Variants in GKAP1 observed in about 807,000 individuals in gnomAD.
The protein encoded by GKAP1 is G kinase anchoring protein 1.
A neutral mutation model predicts 56.7 loss-of-function variants in GKAP1; 31 were observed. The observed-to-expected ratio is 0.55, with a 90% CI of 0.41 to 0.74. The LOEUF is 0.74. Among genes scored for constraint, GKAP1 ranks in the 30% least tolerant of loss-of-function variants. GKAP1 has a pLI of 0.00. For synonymous variants in GKAP1, 151 were observed against 138.6 expected, an observed-to-expected ratio of 1.09 and a Z score of -0.63; for missense variants, 364 against 402.3, an observed-to-expected ratio of 0.90 and a Z score of 0.82.
chr9:83,747,978 T>C (rs1271993646), intron 10 of GKAP1, among the ~76,000 whole-genome samples: 1 of 152,124 alleles, frequency 6.6e-6, no homozygotes, highest in African/African-American at 2.4e-5. Context: ...TCTACTTTGT[T>C]GAGTCTTTTT....
intron 3 of GKAP1, among the ~76,000 whole-genome samples, chr9:83,802,588 G>A (rs1216428249): frequency 1.3e-5 from 2 of 152,094 alleles, no homozygotes; most frequent in Non-Finnish European, 2.9e-5. Context: ...CAGCATTTTG[G>A]GAAGCTGAGG....
intron 9 of GKAP1, among the ~76,000 whole-genome samples, chr9:83,750,653 A>C (rs1943373576): frequency 6.6e-6 from 1 of 152,110 alleles, no homozygotes; most frequent in African/African-American, 2.4e-5. Flanking sequence ...TAAACCTCAA[A>C]TCTTACCTCC....
intron 8 of GKAP1, among the ~76,000 whole-genome samples, chr9:83,758,457 A>G (rs1943512978): frequency 6.6e-6 from 1 of 152,136 alleles, no homozygotes; most frequent in South Asian, 2.1e-4. Context: ...ACTAGGCTGG[A>G]TACGGTGGCT....
intron 4 of GKAP1, among the ~76,000 whole-genome samples, chr9:83,798,469 T>A (rs1944281701): frequency 6.6e-6 from 1 of 152,172 alleles, no homozygotes; most frequent in Non-Finnish European, 1.5e-5. Flanking sequence ...CAAACAACAG[T>A]AAAGTTTCCC....
intron 5 of GKAP1, 51 bp downstream of exon 5, chr9:83,788,550 C>A: frequency 2.9e-6 from 3 of 1,041,106 alleles, no homozygotes; most frequent in Non-Finnish European, 4.2e-6. Flanking sequence ...TGATTTTAAC[C>A]TCTCACCACT....
At chr9:83,748,680 AC>A (rs1309727057) in intron 9 of GKAP1, 5 of 172,178 alleles carry the variant, frequency 2.9e-5, no homozygotes, top group Admixed American at 1.9e-4. Flanking sequence ...AAACCCTTAT[AC>A]AATTCAAAAT....
intron 8 of GKAP1, among the ~76,000 whole-genome samples, chr9:83,761,864 G>C (rs1021380038): frequency 5.3e-5 from 8 of 152,136 alleles, no homozygotes; most frequent in Non-Finnish European, 1.0e-4. Flanking sequence ...ATCGCTTCAT[G>C]ATAAAAACCT....
chr9:83,760,530 T>C (rs115200000), intron 8 of GKAP1, among the ~76,000 whole-genome samples: 149 of 152,256 alleles, frequency 9.8e-4, no homozygotes, highest in African/African-American at 3.4e-3. Flanking sequence ...TAATAGATAT[T>C]GACAGAACTT....
chr9:83,793,815 A>T (rs1041595080), intron 4 of GKAP1, among the ~76,000 whole-genome samples: 4 of 152,202 alleles, frequency 2.6e-5, no homozygotes, highest in African/African-American at 9.6e-5. Context: ...AAGATAATGA[A>T]TATTTAAAAT....
intron 3 of GKAP1, among the ~76,000 whole-genome samples, chr9:83,805,895 T>C (rs890547757): frequency 6.6e-6 from 1 of 152,190 alleles, no homozygotes; most frequent in Non-Finnish European, 1.5e-5. Context: ...GGCAAGCAGA[T>C]TGCTTGAGCC....
intron 3 of GKAP1, among the ~76,000 whole-genome samples, chr9:83,801,864 T>C (rs1944336186): frequency 6.6e-6 from 1 of 152,222 alleles, no homozygotes; most frequent in African/African-American, 2.4e-5. Context: ...GGAAAGTATC[T>C]TTCCTTTAAA....
At chr9:83,762,294 C>A (rs913294826) in intron 8 of GKAP1, among the ~76,000 whole-genome samples, 1 of 151,704 alleles carries the variant, frequency 6.6e-6, no homozygotes, top group Admixed American at 6.6e-5. Context: ...AAAAGTAATC[C>A]CATTTACTCC....
At chr9:83,788,503 CTT>C in intron 5 of GKAP1, 96 bp downstream of exon 5, 1 of 657,396 alleles carries the variant, frequency 1.5e-6, no homozygotes. Flanking sequence ...TTTGGACAAA[CTT>C]TTACAGAAAA....
intron 7 of GKAP1, among the ~76,000 whole-genome samples, chr9:83,775,371 G>A (rs758477701): frequency 3.9e-5 from 6 of 152,038 alleles, no homozygotes; most frequent in Non-Finnish European, 8.8e-5. Flanking sequence ...ACGAGTCCTG[G>A]TTCCTTTTAC....
At chr9:83,739,774 T>G in intron 12 of GKAP1, 30 bp from the exon 13 acceptor site, 3 of 1,549,742 alleles carry the variant, frequency 1.9e-6, no homozygotes, top group Non-Finnish European at 2.7e-6. Flanking sequence ...TAGGGAAAAT[T>G]ATTTACAACA....
At chr9:83,801,169 C>T (rs1462244973) in intron 3 of GKAP1, among the ~76,000 whole-genome samples, 1 of 152,090 alleles carries the variant, frequency 6.6e-6, no homozygotes, top group Non-Finnish European at 1.5e-5. Context: ...CACAGATACA[C>T]AGAGAATGCC....
intron 3 of GKAP1, 61 bp from the exon 4 acceptor site, chr9:83,799,389 T>C (rs2131312094): frequency 8.3e-6 from 10 of 1,209,614 alleles, no homozygotes; most frequent in African/African-American, 1.6e-5. Context: ...ACTAATGATT[T>C]TTTTAATTAA....
intron 8 of GKAP1, among the ~76,000 whole-genome samples, chr9:83,754,153 A>G (rs1299770048): frequency 6.6e-6 from 1 of 152,212 alleles, no homozygotes; most frequent in Non-Finnish European, 1.5e-5. Context: ...GACTTCAGAT[A>G]TAAGAATTTA....
intron 12 of GKAP1, among the ~76,000 whole-genome samples, chr9:83,741,050 A>G (rs563427679): frequency 3.3e-5 from 5 of 152,260 alleles, no homozygotes; most frequent in African/African-American, 1.2e-4. Flanking sequence ...TAGCAGAAAA[A>G]TAAAAATAAA....
Sources: allele counts gnomAD v4.1 joint callset (sites outside exome capture counted in the v4.1 genomes callset), GRCh38; gene constraint gnomAD v4.1.1; transcripts MANE v1.5; gene names NCBI Gene and HGNC (gene_info 2026-07-23, HGNC 2026-07-21).